Variants in UNC13C observed in about 807,000 individuals in gnomAD.
The protein encoded by UNC13C is protein unc-13 homolog C.
A neutral mutation model predicts 245.4 loss-of-function variants in UNC13C; 174 were observed. The ratio of observed to expected loss-of-function variants is 0.71; its 90% CI spans 0.63 to 0.80. UNC13C has a LOEUF of 0.80. UNC13C is among the 30% of genes least tolerant of loss of function. The probability of loss-of-function intolerance (pLI) is 0.00; values close to 1 mark genes in which losing one functional copy is unlikely to be tolerated. For synonymous variants in UNC13C, 992 were observed against 895.1 expected (o/e 1.11, Z -1.93); for missense variants, 2,829 against 2,602.9 (o/e 1.09, Z -1.89).
downstream of UNC13C, chr15:54,632,273 G>T (rs955203481): frequency 2.0e-5 from 3 of 152,108 alleles, no homozygotes; most frequent in African/African-American, 7.2e-5. Flanking sequence ...ATCCCAGTCC[G>T]TGGCTAGTCT....
intron 17 of UNC13C, among the ~76,000 whole-genome samples, chr15:54,344,815 C>G (rs2038822493): frequency 6.6e-6 from 1 of 152,002 alleles, no homozygotes; most frequent in South Asian, 2.1e-4. Flanking sequence ...AGAATCAGAC[C>G]ACTTTTCACC....
intron 19 of UNC13C, among the ~76,000 whole-genome samples, chr15:54,471,797 A>G (rs1892476411): frequency 6.6e-6 from 1 of 151,646 alleles, no homozygotes; most frequent in Non-Finnish European, 1.5e-5. Flanking sequence ...TGCTTTTTAA[A>G]TTGATTTTCT....
intron 2 of UNC13C, chr15:54,049,411 A>G: frequency 2.0e-6 from 1 of 506,684 alleles, no homozygotes; most frequent in Non-Finnish European, 4.0e-6. Context: ...ATCAAATATA[A>G]TTGGTGTATT....
At chr15:54,212,563 A>G (rs1159056268) in intron 4 of UNC13C, among the ~76,000 whole-genome samples, 1 of 152,112 alleles carries the variant, frequency 6.6e-6, no homozygotes, top group East Asian at 1.9e-4. Flanking sequence ...GGATCTGGGA[A>G]GAATAAACAA....
intron 4 of UNC13C, among the ~76,000 whole-genome samples, chr15:54,200,688 G>A (rs1291090847): frequency 6.6e-6 from 1 of 151,936 alleles, no homozygotes; most frequent in Non-Finnish European, 1.5e-5. Context: ...TAAGAGGAAA[G>A]TTCATATCAT....
At chr15:54,435,672 T>A (rs2040968374) in intron 19 of UNC13C, among the ~76,000 whole-genome samples, 2 of 151,462 alleles carry the variant, frequency 1.3e-5, no homozygotes, top group South Asian at 4.2e-4. Flanking sequence ...CCATGGCACA[T>A]GTATACCTAT....
intron 4 of UNC13C, among the ~76,000 whole-genome samples, chr15:54,181,523 A>C (rs1480588421): frequency 6.6e-6 from 1 of 151,708 alleles, no homozygotes; most frequent in Non-Finnish European, 1.5e-5. Flanking sequence ...TGCTTTGGCT[A>C]TTGGGACCCT....
At chr15:54,129,906 G>T (rs2031303343) in intron 2 of UNC13C, among the ~76,000 whole-genome samples, 1 of 77,084 alleles carries the variant, frequency 1.3e-5, no homozygotes, top group African/African-American at 3.9e-5. Flanking sequence ...TGTACTTTGA[G>T]TTTATAATGT....
chr15:54,040,978 C>G (rs899965192), intron 2 of UNC13C, among the ~76,000 whole-genome samples: 3 of 152,190 alleles, frequency 2.0e-5, no homozygotes, highest in Non-Finnish European at 2.9e-5. Context: ...GCTCTGTTCT[C>G]TTTGTAATTG....
intron 19 of UNC13C, among the ~76,000 whole-genome samples, chr15:54,434,350 T>G (rs906330295): frequency 1.3e-5 from 2 of 151,942 alleles, no homozygotes; most frequent in Non-Finnish European, 2.9e-5. Context: ...TACAAGGCTA[T>G]AGTAACCAAA....
chr15:54,012,327 T>G (rs937130398), intron 1 of UNC13C, among the ~76,000 whole-genome samples: 1 of 152,184 alleles, frequency 6.6e-6, no homozygotes, highest in Non-Finnish European at 1.5e-5. Flanking sequence ...TAGAAATGAC[T>G]TTATGAAGTC....
At chr15:54,452,434 C>T (rs1459842509) in intron 19 of UNC13C, among the ~76,000 whole-genome samples, 1 of 152,096 alleles carries the variant, frequency 6.6e-6, no homozygotes, top group African/African-American at 2.4e-5. Context: ...TTCTGTCCCA[C>T]AGGTGGTGTA....
intron 7 of UNC13C, among the ~76,000 whole-genome samples, chr15:54,247,984 T>G (rs1250286450): frequency 6.6e-6 from 1 of 152,178 alleles, no homozygotes; most frequent in South Asian, 2.1e-4. Context: ...TGACTATCAC[T>G]TGACTTCAGT....
At chr15:54,418,836 A>G (rs536698799) in intron 19 of UNC13C, among the ~76,000 whole-genome samples, 12 of 152,278 alleles carry the variant, frequency 7.9e-5, no homozygotes, top group Non-Finnish European at 1.6e-4. Context: ...TTTCATCTTT[A>G]CATTGAAGGA....
chr15:54,126,465 TAAATA>T (rs904486546), intron 2 of UNC13C, among the ~76,000 whole-genome samples: 1 of 151,864 alleles, frequency 6.6e-6, no homozygotes, highest in Non-Finnish European at 1.5e-5. Flanking sequence ...AGCTGCAAAA[TAAATA>T]AAGCAAAAGC....
At chr15:54,418,207 A>G (rs1482163460) in intron 19 of UNC13C, among the ~76,000 whole-genome samples, 1 of 152,122 alleles carries the variant, frequency 6.6e-6, no homozygotes, top group Non-Finnish European at 1.5e-5. Flanking sequence ...ATAACAATCT[A>G]TTTTACATTA....
At chr15:54,611,584 C>G (rs1194595211) in intron 30 of UNC13C, 2 of 152,060 alleles carry the variant, frequency 1.3e-5, no homozygotes, top group South Asian at 4.1e-4. Context: ...CTGAAAGATT[C>G]AACTATTTTA....
At chr15:54,249,120 T>C (rs2036072936) in intron 7 of UNC13C, among the ~76,000 whole-genome samples, 1 of 152,152 alleles carries the variant, frequency 6.6e-6, no homozygotes, top group Non-Finnish European at 1.5e-5. Context: ...CCTCTAAGAG[T>C]GCTGGTCTTT....
intron 13 of UNC13C, among the ~76,000 whole-genome samples, chr15:54,306,400 A>AGGCT (rs2037724588): frequency 6.6e-6 from 1 of 152,032 alleles, no homozygotes; most frequent in Non-Finnish European, 1.5e-5. Flanking sequence ...TAAGAATGAT[A>AGGCT]GGCTGTTCCC....
Sources: allele counts gnomAD v4.1 joint callset (sites outside exome capture counted in the v4.1 genomes callset), GRCh38; gene constraint gnomAD v4.1.1; transcripts MANE v1.5; gene names NCBI Gene and HGNC (gene_info 2026-07-23, HGNC 2026-07-21).